The following FSD2 variants were observed in gnomAD, a reference collection of about 807,000 sequenced individuals.
FSD2 encodes the protein fibronectin type III and SPRY domain-containing protein 2.
A neutral mutation model predicts 80.4 loss-of-function variants in FSD2; 71 were observed. The ratio of observed to expected loss-of-function variants is 0.88; its 90% CI spans 0.73 to 1.08. The LOEUF (loss-of-function observed/expected upper bound fraction) is 1.08, where lower values mean the gene tolerates loss of function less well. FSD2 is among the 50% of genes least tolerant of loss of function. The pLI, the probability that FSD2 is intolerant of heterozygous loss-of-function variation, is 0.00. For synonymous variants in FSD2, 361 were observed against 329.5 expected, an observed-to-expected ratio of 1.10 and a Z score of -1.03; for missense variants, 923 against 913.8, an observed-to-expected ratio of 1.01 and a Z score of -0.13.
intron 6 of FSD2, among the ~76,000 whole-genome samples, chr15:82,774,232 C>A (rs1036943451): frequency 2.0e-5 from 3 of 152,072 alleles, no homozygotes; most frequent in Non-Finnish European, 4.4e-5. Flanking sequence ...GGTGCCACAC[C>A]AAGCTAATTT....
intron 1 of FSD2, among the ~76,000 whole-genome samples, chr15:82,791,632 A>C (rs2050154545): frequency 6.6e-6 from 1 of 152,108 alleles, no homozygotes; most frequent in Admixed American, 6.5e-5. Context: ...TCAGCCTCCC[A>C]AAGTGCTGAG....
At position 82,759,058 on chromosome 15, in the gene FSD2, A is replaced by G. The variant is rs939468554; in HGVS notation, c.*290T>C. On this transcript the variant is annotated 3_prime_UTR_variant, in exon 13 of 13. Transcript: ENST00000334574. ...GTCTTGGAAACTCAAGATATTTTGC[A>G]TATACACGAATATAGTTTGACAGCT... 1 of 324,078 alleles carries G rather than the reference A, an allele frequency of 3.1e-6. No homozygotes were observed. Among genetic ancestry groups the G allele is most frequent in the African/African-American group, 2.1e-5 (1 of 46,826 alleles). The allele number at this position is 324,078 out of a possible 1,614,324, so 20.1% of individuals were successfully genotyped here. A position where few individuals can be genotyped will look rare whatever the true frequency, so the allele number is the denominator to read the frequency against.
Position 82,786,494 on chromosome 15 carries a change from T to G in FSD2, c.735+17A>C, listed in dbSNP as rs747174142. ...GAAGAAATGTGAGTCTGATGAGGTC[T>G]TCAAGTGTGCTCTTACCTCCACAGT... On this transcript the variant is annotated intron_variant, in intron 3 of 12. Coordinates refer to ENST00000334574, the MANE Select transcript of FSD2 (RefSeq NM_001007122.4). 2.5e-6 allele frequency: 4 copies of G among 1,592,196 alleles called. No individual in the cohort carries two copies. Among genetic ancestry groups the G allele is most frequent in the Non-Finnish European group, 3.4e-6 (4 of 1,161,302 alleles).
chr15:82,764,859 C>G (rs2049376535), intron 11 of FSD2, among the ~76,000 whole-genome samples: 1 of 152,044 alleles, frequency 6.6e-6, no homozygotes, highest in Non-Finnish European at 1.5e-5. Context: ...CTAGTAATTC[C>G]TGTCCCACCC....
intron 1 of FSD2, among the ~76,000 whole-genome samples, chr15:82,797,034 A>C (rs61055961): frequency 2.3e-4 from 23 of 98,704 alleles, no homozygotes; most frequent in African/African-American, 7.7e-4. Context: ...AAAAAAAAAA[A>C]AAAAAAACAC....
intron 4 of FSD2, among the ~76,000 whole-genome samples, chr15:82,780,729 T>C (rs1165930479): frequency 6.6e-6 from 1 of 151,582 alleles, no homozygotes; most frequent in South Asian, 2.1e-4. Context: ...ATATATAAGA[T>C]AGTTATATAA....
At chr15:82,766,456 A>T (rs74028576) in intron 9 of FSD2, among the ~76,000 whole-genome samples, 1 of 152,166 alleles carries the variant, frequency 6.6e-6, no homozygotes, top group Non-Finnish European at 1.5e-5. Flanking sequence ...AAGGCCGTCA[A>T]TTCAGCCAGG....
In FSD2 at chr15:82,786,957, T is replaced by A. The variant is rs2050015725; in HGVS notation, c.434A>T (p.Asp145Val). ...GGWGSAGQCQDLREAYRYTHG... is the reference protein window; with the variant it reads ...GGWGSAGQCQVLREAYRYTHG... Reference sequence around the variant, plus strand: ...TGTGTACCTATAGGCTTCCCGCAAGTCCTGGCACTGGCCTGCTGAGCCCCA... The same window carrying A: ...TGTGTACCTATAGGCTTCCCGCAAGACCTGGCACTGGCCTGCTGAGCCCCA... The change falls in exon 2 of 13, where the codon GAC (aspartate) becomes GTC (valine). Residue 145 changes from aspartate to valine, a missense_variant. Asp to Val is a radical substitution (Grantham distance 152, BLOSUM62 -3). Transcript: ENST00000334574. The A allele has an allele frequency of 1.2e-6, 2 of 1,614,002 alleles. No homozygotes were observed. The highest frequency in any genetic ancestry group is 3.3e-5 in the Admixed American group (2 of 60,028).
intron 1 of FSD2, among the ~76,000 whole-genome samples, chr15:82,791,463 C>T (rs575566452): frequency 7.2e-5 from 11 of 152,222 alleles, no homozygotes; most frequent in East Asian, 5.8e-4. Flanking sequence ...CTCTGCCTCC[C>T]GGGCTCAGGT....
Position 82,786,585 on chromosome 15 carries a change from A to AATTC in FSD2, c.660_661insGAAT (p.Tyr221GlufsTer10). On this transcript the variant is annotated frameshift_variant, in exon 3 of 13. Coordinates refer to ENST00000334574, the MANE Select transcript of FSD2 (RefSeq NM_001007122.4). LOFTEE classifies it high-confidence loss of function. ...TCAATTATCTGCTTTTCCAATTTGT[A>AATTC]CATGTTTTTGTGAATTTCATCCTAT... 1.2e-6 allele frequency: 2 copies of AATTC among 1,613,590 alleles called. No homozygotes were observed. Among genetic ancestry groups the AATTC allele is most frequent in the Non-Finnish European group, 1.7e-6 (2 of 1,179,670 alleles).
In FSD2 at chr15:82,769,875, A is replaced by G. The variant is rs1390490345; in HGVS notation, c.1277T>C (p.Val426Ala). The change falls in exon 8 of 13, where the codon GTG (valine) becomes GCG (alanine). Residue 426 changes from valine (V) to alanine (A), a missense_variant. Transcript: ENST00000334574. ...SPGTDQAEFT[V>A]TVKETYCSVT... Reference sequence around the variant, plus strand: ...TGAGCAATATGTTTCTTTGACAGTCACTGTAAACTCTGGGGAAAAAAAAAG... The same window carrying G: ...TGAGCAATATGTTTCTTTGACAGTCGCTGTAAACTCTGGGGAAAAAAAAAG... 1 of 1,613,788 alleles carries G rather than the reference A, an allele frequency of 6.2e-7. No individual in the cohort carries two copies. The highest frequency in any genetic ancestry group is 2.2e-5 in the East Asian group (1 of 44,888).
intron 3 of FSD2, among the ~76,000 whole-genome samples, chr15:82,783,601 T>A (rs1223441348): frequency 6.6e-6 from 1 of 152,170 alleles, no homozygotes; most frequent in Non-Finnish European, 1.5e-5. Flanking sequence ...CAGTTCCAGT[T>A]TCAACTACCT....
At chr15:82,776,247 A>T (rs1249154297) in intron 6 of FSD2, among the ~76,000 whole-genome samples, 1 of 152,158 alleles carries the variant, frequency 6.6e-6, no homozygotes, top group Non-Finnish European at 1.5e-5. Flanking sequence ...TGATCACACC[A>T]CTATACTCCA....
At position 82,769,829 on chromosome 15, in the gene FSD2, A is replaced by C; in HGVS notation, c.1323T>G (p.Asn441Lys). The part of the protein sequence containing the change: ...TYCSVTNLVP[N>K]TQYEFWVTAH... ...CTGTGACCCAAAATTCATACTGGGTATTTGGCACAAGGTTTGTCACTGAGC... is the reference window on the plus strand; with the variant it reads ...CTGTGACCCAAAATTCATACTGGGTCTTTGGCACAAGGTTTGTCACTGAGC... The change falls in exon 8 of 13, where the codon AAT becomes AAG. Residue 441 changes from asparagine to lysine, a missense_variant. Transcript: ENST00000334574. 6.2e-7 allele frequency: 1 copy of C among 1,613,908 alleles called. No individual in the cohort carries two copies. The highest frequency in any genetic ancestry group is 1.1e-5 in the South Asian group (1 of 91,090).
At chr15:82,760,766 A>C (rs997827807) in intron 12 of FSD2, among the ~76,000 whole-genome samples, 1 of 148,742 alleles carries the variant, frequency 6.7e-6, no homozygotes, top group Admixed American at 6.7e-5. Flanking sequence ...CACACCCTAC[A>C]TCTGTAAGAA....
chr15:82,781,405 C>T (rs1430543800), intron 4 of FSD2, among the ~76,000 whole-genome samples: 1 of 152,140 alleles, frequency 6.6e-6, no homozygotes, highest in Non-Finnish European at 1.5e-5. Flanking sequence ...CATGGTTGGG[C>T]TTTGAGGGGC....
At chr15:82,767,993 C>T (rs2049463118) in intron 9 of FSD2, among the ~76,000 whole-genome samples, 1 of 152,162 alleles carries the variant, frequency 6.6e-6, no homozygotes, top group Non-Finnish European at 1.5e-5. Context: ...TTCTGTAAAC[C>T]AGAGGTAAAC....
At chr15:82,786,296 T>G (rs2049995270) in intron 3 of FSD2, among the ~76,000 whole-genome samples, 1 of 152,164 alleles carries the variant, frequency 6.6e-6, no homozygotes. Flanking sequence ...CAAGAGCTTA[T>G]AGTTCAGCAG....
At chr15:82,769,127 TC>T in intron 8 of FSD2, 97 bp from the exon 9 acceptor site, 1 of 1,150,306 alleles carries the variant, frequency 8.7e-7, no homozygotes, top group Non-Finnish European at 1.1e-6. Flanking sequence ...ACCTTCTTCC[TC>T]CCACAAAAGA....
Sources: allele counts gnomAD v4.1 joint callset (sites outside exome capture counted in the v4.1 genomes callset), GRCh38; gene constraint gnomAD v4.1.1; transcripts MANE v1.5; gene names NCBI Gene and HGNC (gene_info 2026-07-23, HGNC 2026-07-21).